PLEKHA7: variants seen among roughly 807,000 people sequenced by gnomAD.
PLEKHA7 encodes pleckstrin homology domain containing A7, also known as pleckstrin homology domain-containing family A member 7.
Under a neutral mutation model 170.0 loss-of-function variants are expected in PLEKHA7, and 104 were observed. That is an observed-to-expected ratio of 0.61 (90% confidence interval 0.52 to 0.72). The LOEUF is 0.72. Ranked by LOEUF, PLEKHA7 falls within the 30% of genes least tolerant of loss-of-function variation. The pLI, the probability that PLEKHA7 is intolerant of heterozygous loss-of-function variation, is 0.00. For synonymous variants in PLEKHA7, 648 were observed against 660.8 expected, an observed-to-expected ratio of 0.98 and a Z score of 0.30; for missense variants, 1,615 against 1,671.7, an observed-to-expected ratio of 0.97 and a Z score of 0.59.
chr11:16,803,092 GA>G (rs1564930202), intron 14 of PLEKHA7, 40 bp from the exon 15 acceptor site: 1 of 1,580,830 alleles, frequency 6.3e-7, no homozygotes, highest in South Asian at 1.1e-5. Flanking sequence ...GGGGTGATGA[GA>G]AAAGGACATG....
Position 17,013,940 on chromosome 11 carries a change from A to ACCC in PLEKHA7, c.221+46_221+48dup, listed in dbSNP as rs545393853. 1,315 of 1,297,944 alleles carry ACCC rather than the reference A, an allele frequency of 1.0e-3. 17 individuals carry two copies. The African/African-American group carries it at 0.023, about 23-fold the overall frequency. The allele number at this position is 1,297,944 out of a possible 1,614,324, so 80.4% of individuals were successfully genotyped here. A position where few individuals can be genotyped will look rare whatever the true frequency, so the allele number is the denominator to read the frequency against. Reference sequence around the variant, plus strand: ...GGGCGCCCGGCGGGAACGGGGAGGGACCCCCCCCCCGCGGCACAGGTGCGA... The same window carrying ACCC: ...GGGCGCCCGGCGGGAACGGGGAGGGACCCCCCCCCCCCCGCGGCACAGGTGCGA... On this transcript the variant is annotated intron_variant, in intron 3 of 26. Coordinates refer to ENST00000531066, the MANE Select transcript of PLEKHA7 (RefSeq NM_001329630.2).
Position 16,871,096 on chromosome 11 carries a change from T to C in PLEKHA7, c.305+3A>G. 2.5e-6 allele frequency: 4 copies of C among 1,582,782 alleles called. No individual in the cohort carries two copies. The highest frequency in any genetic ancestry group is 2.6e-6 in the Non-Finnish European group (3 of 1,151,938). ...GATAAGGAGAATACATAAAAAGACT[T>C]ACTCTTCTTGAAGAATGAATTCACT... is the stretch of plus-strand genomic sequence containing the variant. On this transcript the variant is annotated splice_donor_region_variant and intron_variant, in intron 4 of 26. Coordinates refer to ENST00000531066, the MANE Select transcript of PLEKHA7 (RefSeq NM_001329630.2).
chr11:16,799,901 T>G (rs1330595474), intron 17 of PLEKHA7, among the ~76,000 whole-genome samples: 2 of 152,120 alleles, frequency 1.3e-5, no homozygotes, highest in Non-Finnish European at 2.9e-5. Context: ...GGGAACCATC[T>G]CTGCATGAAT....
At chr11:16,895,875 A>T (rs1349189553) in intron 3 of PLEKHA7, among the ~76,000 whole-genome samples, 4 of 152,334 alleles carry the variant, frequency 2.6e-5, no homozygotes, top group Non-Finnish European at 5.9e-5. Context: ...CTGAGCCAAG[A>T]AGAGAATCTG....
Position 16,786,384 on chromosome 11 carries a change from T to G in PLEKHA7, c.3361A>C (p.Lys1121Gln). ...RPLPGDLGSW[K>Q]REQDFDLQLL... ...TGCAGGTCAAAGTCCTGCTCACGCT[T>G]CCACTGGCAACAGAACAAGAGGTTA... Residue 1121 changes from lysine (K) to glutamine (Q), a missense_variant, in exon 24 of 27, where the codon AAG (lysine) becomes CAG (glutamine). Coordinates refer to ENST00000531066, the MANE Select transcript of PLEKHA7 (RefSeq NM_001329630.2). The G allele has an allele frequency of 1.3e-6, 2 of 1,536,138 alleles. No individual in the cohort carries two copies. The highest frequency in any genetic ancestry group is 1.7e-6 in the Non-Finnish European group (2 of 1,146,908).
At chr11:16,829,073 G>C (rs571749297) in intron 9 of PLEKHA7, among the ~76,000 whole-genome samples, 2 of 151,122 alleles carry the variant, frequency 1.3e-5, no homozygotes, top group South Asian at 4.2e-4. Flanking sequence ...CAATGATCAC[G>C]GCTCACTGCA....
intron 3 of PLEKHA7, among the ~76,000 whole-genome samples, chr11:16,929,570 C>T (rs1859782049): frequency 6.6e-6 from 1 of 152,242 alleles, no homozygotes; most frequent in African/African-American, 2.4e-5. Context: ...TCAGTAATAA[C>T]TGGTTGGGTG....
intron 3 of PLEKHA7, among the ~76,000 whole-genome samples, chr11:17,000,266 G>A (rs941381043): frequency 1.5e-4 from 23 of 151,886 alleles, no homozygotes; most frequent in African/African-American, 4.8e-4. Flanking sequence ...TTTTGTTTTT[G>A]TATTTTTAGT....
At position 16,841,398 on chromosome 11, in the gene PLEKHA7, G is replaced by A. The variant is rs567780471; in HGVS notation, c.872+149C>T. The A allele has an allele frequency of 6.0e-6, 5 of 837,916 alleles. No homozygotes were observed. In the African/African-American group the frequency reaches 8.7e-5, roughly 15 times the overall value. 51.9% of individuals were successfully genotyped at this position (837,916 alleles called of 1,614,324 possible). ...AGTCATTTCACCCTTCCAGGCCTTA[G>A]TGTTTTTGTTTAATGAAGAAAGTTT... On this transcript the variant is annotated intron_variant, in intron 9 of 26. Transcript: ENST00000531066.
At chr11:16,804,473 C>A (rs760701672) in intron 13 of PLEKHA7, among the ~76,000 whole-genome samples, 2 of 152,234 alleles carry the variant, frequency 1.3e-5, no homozygotes, top group African/African-American at 2.4e-5. Flanking sequence ...ATGTGCCCAA[C>A]TGTCCTATGC....
intron 3 of PLEKHA7, among the ~76,000 whole-genome samples, chr11:16,891,083 T>TATTCC (rs1856580006): frequency 6.6e-6 from 1 of 151,928 alleles, no homozygotes; most frequent in African/African-American, 2.4e-5. Context: ...TATTCTATTC[T>TATTCC]ATTCTATTCT....
chr11:16,781,006 C>G, intron 26 of PLEKHA7: 1 of 986,354 alleles, frequency 1.0e-6, no homozygotes, highest in South Asian at 4.7e-5. Flanking sequence ...GTGGCACCGT[C>G]CTGGAAGACA....
rs766402065 is a variant in PLEKHA7, at chr11:16,790,803, C to T, written c.3047G>A (p.Gly1016Asp). The change falls in exon 21 of 27, where the codon GGC becomes GAC. Residue 1016 changes from glycine to aspartate, a missense_variant. Physicochemically the swap from Gly to Asp is moderately conservative, Grantham distance 94. Coordinates refer to ENST00000531066, the MANE Select transcript of PLEKHA7 (RefSeq NM_001329630.2). ...GPESRYQTLP[G>D]RGLSGSTSRL... Reference sequence around the variant, plus strand: ...CAGGGAGGGCCCTGCCTTACCTCTGCCTGGCAGCGTCTGGTACCTGCTCTC... The same window carrying T: ...CAGGGAGGGCCCTGCCTTACCTCTGTCTGGCAGCGTCTGGTACCTGCTCTC... 1 of 1,608,566 alleles carries T rather than the reference C, an allele frequency of 6.2e-7. No homozygotes were observed. Among genetic ancestry groups the T allele is most frequent in the Admixed American group, 1.7e-5 (1 of 59,390 alleles).
chr11:16,982,490 G>C (rs1053233411), intron 3 of PLEKHA7, among the ~76,000 whole-genome samples: 1 of 152,200 alleles, frequency 6.6e-6, no homozygotes, highest in African/African-American at 2.4e-5. Context: ...AGTGCTTACT[G>C]TCCCTGTCCC....
intron 1 of PLEKHA7, 34 bp downstream of exon 1, chr11:17,014,282 C>T: frequency 7.1e-7 from 1 of 1,416,440 alleles, no homozygotes; most frequent in Non-Finnish European, 9.2e-7. Context: ...CGCCCCCACC[C>T]GCGTCCCCGC....
chr11:16,855,167 A>T (rs1371600741), intron 5 of PLEKHA7, among the ~76,000 whole-genome samples, 174 bp from the exon 6 acceptor site: 1 of 152,072 alleles, frequency 6.6e-6, no homozygotes, highest in Non-Finnish European at 1.5e-5. Flanking sequence ...ACAGCATTCT[A>T]ATTAAAAGGC....
At chr11:16,805,826 A>C (rs566491386) in intron 13 of PLEKHA7, among the ~76,000 whole-genome samples, 91 of 151,990 alleles carry the variant, frequency 6.0e-4, no homozygotes, top group African/African-American at 2.2e-3. Context: ...AAAACAAAAA[A>C]AACTGCTGCT....
Position 16,817,566 on chromosome 11 carries a change from G to T in PLEKHA7, c.1344-244C>A, listed in dbSNP as rs1849871347. Reference sequence around the variant, plus strand: ...CTTGGCTACCCCATGCCCATCACTTGGAGTGCAATGTGATTAAACCTGGCT... The same window carrying T: ...CTTGGCTACCCCATGCCCATCACTTTGAGTGCAATGTGATTAAACCTGGCT... On this transcript the variant is annotated intron_variant, in intron 10 of 26. Coordinates refer to ENST00000531066, the MANE Select transcript of PLEKHA7 (RefSeq NM_001329630.2). This position sits in a 1 kb window ranked among gnomAD's most constrained non-coding sequence, Gnocchi z 4.4. Among the ~76,000 whole-genome samples, 3 of 152,298 alleles carry T rather than the reference G, an allele frequency of 2.0e-5. No individual in the cohort carries two copies. In the South Asian group the frequency reaches 6.2e-4, roughly 32 times the overall value.
intron 3 of PLEKHA7, among the ~76,000 whole-genome samples, chr11:17,004,390 T>G (rs925461069): frequency 9.8e-6 from 1 of 102,312 alleles, no homozygotes; most frequent in Non-Finnish European, 2.1e-5. Flanking sequence ...TTTTCCTTTT[T>G]CTTTTTCTTT....
Sources: allele counts gnomAD v4.1 joint callset (sites outside exome capture counted in the v4.1 genomes callset), GRCh38; gene constraint gnomAD v4.1.1; non-coding constraint Gnocchi (gnomAD v3.1); transcripts MANE v1.5; gene names NCBI Gene and HGNC (gene_info 2026-07-23, HGNC 2026-07-21).